ELAPOR1: variants seen among roughly 807,000 people sequenced by gnomAD.
ELAPOR1 encodes endosome/lysosome-associated apoptosis and autophagy regulator 1.
A neutral mutation model predicts 119.7 loss-of-function variants in ELAPOR1; 77 were observed. The observed-to-expected ratio is 0.64, with a 90% CI of 0.54 to 0.78. The LOEUF (loss-of-function observed/expected upper bound fraction) is 0.78. Among genes scored for constraint, ELAPOR1 ranks in the 30% least tolerant of loss-of-function variants. The pLI is 0.00. For missense variants in ELAPOR1, 1,115 were observed against 1,270.4 expected (o/e 0.88, Z 1.86); for synonymous variants, 481 against 487.2 (o/e 0.99, Z 0.17).
At chr1:109,141,494 A>G (rs1293383524) in intron 1 of ELAPOR1, among the ~76,000 whole-genome samples, 2 of 150,704 alleles carry the variant, frequency 1.3e-5, no homozygotes, top group Middle Eastern at 3.3e-3. Context: ...AATTCCTGAC[A>G]TCGTGATCTG....
At position 109,118,059 on chromosome 1, in the gene ELAPOR1, G is replaced by A. The variant is rs1262711622; in HGVS notation, c.153+3723G>A. ...GGAGAATCACTTGAACCTGGGAGGC[G>A]GAGGTTGCAGTGAACTGAGATTACG... On this transcript the variant is annotated intron_variant, in intron 1 of 21. Coordinates refer to ENST00000369939, the MANE Select transcript of ELAPOR1 (RefSeq NM_020775.5). Among the ~76,000 whole-genome samples, 8 of 152,010 alleles carry A rather than the reference G, an allele frequency of 5.3e-5. No homozygotes were observed. The East Asian group carries it at 7.7e-4, about 15-fold the overall frequency.
In ELAPOR1 at chr1:109,203,060, G is replaced by A; in HGVS notation, c.*48G>A. The A allele has an allele frequency of 7.3e-7, 1 of 1,369,074 alleles. No homozygotes were observed. Among genetic ancestry groups the A allele is most frequent in the Non-Finnish European group, 1.0e-6 (1 of 968,536 alleles). The allele number at this position is 1,369,074 out of a possible 1,614,324, so 84.8% of individuals were successfully genotyped here. A position where few individuals can be genotyped will look rare whatever the true frequency, so the allele number is the denominator to read the frequency against. On this transcript the variant is annotated 3_prime_UTR_variant, in exon 22 of 22. Transcript: ENST00000369939. ...CCTCCTCACCTTGCATAGCACCTTT[G>A]CAAGCCTGCGGCGATTTGGGTGCCA...
At position 109,200,231 on chromosome 1, in the gene ELAPOR1, A is replaced by T. The variant is rs1268591154; in HGVS notation, c.2801A>T (p.Asn934Ile). ...TVLTCYFWKK[N>I]QKLEYKYSKL... ...TTGACCTGCTACTTTTGGAAAAAGA[A>T]TCAAAAGTACATGTTGCGGTATTGG... Residue 934 changes from asparagine (N) to isoleucine (I), a missense_variant, in exon 20 of 22, where the codon AAT (asparagine) becomes ATT (isoleucine). Transcript: ENST00000369939. The T allele has an allele frequency of 6.2e-7, 1 of 1,614,066 alleles. No individual in the cohort carries two copies. Among genetic ancestry groups the T allele is most frequent in the Admixed American group, 1.7e-5 (1 of 60,018 alleles).
chr1:109,160,846 A>C (rs1651201653), intron 1 of ELAPOR1, among the ~76,000 whole-genome samples: 1 of 152,226 alleles, frequency 6.6e-6, no homozygotes, highest in Non-Finnish European at 1.5e-5. Flanking sequence ...GAAACGCTTA[A>C]GGGCATTTGG....
rs1399603813 is a variant in ELAPOR1, at chr1:109,204,871, C to G, written c.*1859C>G. 1 of 152,228 alleles carries G rather than the reference C, an allele frequency of 6.6e-6. No individual in the cohort carries two copies. The highest frequency in any genetic ancestry group is 2.4e-5 in the African/African-American group (1 of 41,428). The allele number at this position is 152,228 out of a possible 1,614,324, so 9.4% of individuals were successfully genotyped here. A position where few individuals can be genotyped will look rare whatever the true frequency, so the allele number is the denominator to read the frequency against. On this transcript the variant is annotated 3_prime_UTR_variant, in exon 22 of 22. Transcript: ENST00000369939. ...GAGTTCAAGACCAGCCTGGGCAACA[C>G]AGTGAGACCCTGTCTCTAAAAAATT...
chr1:109,178,231 G>A (rs980104568), intron 7 of ELAPOR1, among the ~76,000 whole-genome samples: 1 of 152,002 alleles, frequency 6.6e-6, no homozygotes, highest in Non-Finnish European at 1.5e-5. Context: ...GCCTGGTCTT[G>A]AACTCCTGAC....
chr1:109,179,409 CAA>C (rs773712424), intron 7 of ELAPOR1, among the ~76,000 whole-genome samples: 14 of 50,442 alleles, frequency 2.8e-4, no homozygotes, highest in Admixed American at 3.8e-4. Flanking sequence ...ACTCTGTCTC[CAA>C]AAAAAAAAAA....
intron 1 of ELAPOR1, among the ~76,000 whole-genome samples, chr1:109,129,091 A>C (rs1648977936): frequency 6.6e-6 from 1 of 152,156 alleles, no homozygotes; most frequent in South Asian, 2.1e-4. Flanking sequence ...TCATGTTTTT[A>C]CCAAATAGTT....
In ELAPOR1 at chr1:109,161,899, G is replaced by C; in HGVS notation, c.159G>C (p.Glu53Asp). Residue 53 changes from glutamate (E) to aspartate (D), a missense_variant, in exon 2 of 22, where the codon GAG (glutamate) becomes GAC (aspartate). By Grantham distance (45) the Glu-to-Asp change is conservative. Transcript: ENST00000369939. ...CACTGTTCTCTCCCCTGCAGTCTGA[G>C]TACCACTATGAGTACACGGCGTGTG... ...GPELHACKES[E>D]YHYEYTACDS... 1.9e-6 allele frequency: 3 copies of C among 1,611,830 alleles called. No homozygotes were observed. Among genetic ancestry groups the C allele is most frequent in the Non-Finnish European group, 1.7e-6 (2 of 1,178,036 alleles).
In ELAPOR1 at chr1:109,136,589, G is replaced by A. The variant is rs17272463; in HGVS notation, c.153+22253G>A. ...CACCGTGAGGTAGAACATCCCTCGCGAACAGGGCACATTGAGGAGAGGTGA... is the reference window on the plus strand; with the variant it reads ...CACCGTGAGGTAGAACATCCCTCGCAAACAGGGCACATTGAGGAGAGGTGA... On this transcript the variant is annotated intron_variant, in intron 1 of 21. Transcript: ENST00000369939. Among the ~76,000 whole-genome samples, 568 of 152,254 alleles carry A rather than the reference G, an allele frequency of 3.7e-3. 7 individuals are homozygous for A. The highest frequency in any genetic ancestry group is 0.013 in the African/African-American group (523 of 41,518).
At chr1:109,122,892 G>A (rs1012025669) in intron 1 of ELAPOR1, among the ~76,000 whole-genome samples, 1 of 152,316 alleles carries the variant, frequency 6.6e-6, no homozygotes, top group East Asian at 1.9e-4. Context: ...AGGAGGTTGA[G>A]GTTGCAGTGA....
chr1:109,153,404 A>G (rs1487278575), intron 1 of ELAPOR1, among the ~76,000 whole-genome samples: 1 of 152,204 alleles, frequency 6.6e-6, no homozygotes, highest in African/African-American at 2.4e-5. Flanking sequence ...AGGTCCAACA[A>G]TAGGGGAATG....
chr1:109,171,203 A>C (rs188779469), intron 3 of ELAPOR1, among the ~76,000 whole-genome samples: 1 of 152,304 alleles, frequency 6.6e-6, no homozygotes, highest in East Asian at 1.9e-4. Flanking sequence ...TAAATCATGA[A>C]TATAAAGCAC....
intron 1 of ELAPOR1, among the ~76,000 whole-genome samples, chr1:109,150,988 G>A (rs1404887716): frequency 6.6e-6 from 1 of 152,140 alleles, no homozygotes; most frequent in Non-Finnish European, 1.5e-5. Flanking sequence ...TGGACCCACT[G>A]CCCAGAAAAA....
At chr1:109,181,466 A>C (rs1399573794) in intron 7 of ELAPOR1, among the ~76,000 whole-genome samples, 2 of 152,236 alleles carry the variant, frequency 1.3e-5, no homozygotes, top group African/African-American at 4.8e-5. Context: ...GGTTGGTCTC[A>C]GCATTTTGGT....
intron 1 of ELAPOR1, among the ~76,000 whole-genome samples, chr1:109,138,189 G>A (rs1649595726): frequency 6.6e-6 from 1 of 152,136 alleles, no homozygotes; most frequent in Non-Finnish European, 1.5e-5. Flanking sequence ...AGGTTGACCA[G>A]AGGAAGCCTG....
At chr1:109,134,561 A>G (rs1176691711) in intron 1 of ELAPOR1, among the ~76,000 whole-genome samples, 1 of 152,114 alleles carries the variant, frequency 6.6e-6, no homozygotes, top group East Asian at 1.9e-4. Context: ...TGTCCAGTGA[A>G]CAGCCAGCTT....
chr1:109,200,111 T>C lies in ELAPOR1; in HGVS notation c.2681T>C (p.Leu894Pro). 3.1e-6 allele frequency: 5 copies of C among 1,614,242 alleles called. No homozygotes were observed. Among genetic ancestry groups the C allele is most frequent in the Non-Finnish European group, 4.2e-6 (5 of 1,180,044 alleles). Reference sequence around the variant, plus strand: ...AAGCTATGCTCTGGTGGCATTTCTCTGCCTGAGCAGAGAGTCACCATCTGC... The same window carrying C: ...AAGCTATGCTCTGGTGGCATTTCTCCGCCTGAGCAGAGAGTCACCATCTGC... ...EPKLCSGGISLPEQRVTICKT... is the reference protein window; with the variant it reads ...EPKLCSGGISPPEQRVTICKT... Residue 894 changes from leucine to proline, a missense_variant, in exon 20 of 22, where the codon CTG becomes CCG. Physicochemically the swap from Leu to Pro is moderately conservative, Grantham distance 98. Transcript: ENST00000369939.
intron 1 of ELAPOR1, among the ~76,000 whole-genome samples, chr1:109,134,944 A>AG (rs1649374134): frequency 1.3e-5 from 2 of 152,218 alleles, no homozygotes; most frequent in Non-Finnish European, 2.9e-5. Flanking sequence ...TTTAAAAAAA[A>AG]TCATGGGATC....
Sources: allele counts gnomAD v4.1 joint callset (sites outside exome capture counted in the v4.1 genomes callset), GRCh38; gene constraint gnomAD v4.1.1; transcripts MANE v1.5; gene names NCBI Gene and HGNC (gene_info 2026-07-23, HGNC 2026-07-21).